Variants in ROBO2 observed in about 807,000 individuals in gnomAD.
ROBO2 encodes roundabout guidance receptor 2, also known as roundabout homolog 2.
Under a neutral mutation model 160.8 loss-of-function variants are expected in ROBO2, and 53 were observed. The ratio of observed to expected loss-of-function variants is 0.33; its 90% CI spans 0.26 to 0.41. The LOEUF (loss-of-function observed/expected upper bound fraction) is 0.41. Ranked by LOEUF, ROBO2 falls within the 10% of genes least tolerant of loss-of-function variation. The probability of loss-of-function intolerance (pLI) is 1.00; values close to 1 mark genes in which losing one functional copy is unlikely to be tolerated. For missense variants in ROBO2, 1,577 were observed against 1,722.4 expected (o/e 0.92, Z 1.49); for synonymous variants, 664 against 611.7 (o/e 1.09, Z -1.26).
intron 2 of ROBO2, among the ~76,000 whole-genome samples, chr3:76,497,607 T>A (rs2080224232): frequency 6.6e-6 from 1 of 152,214 alleles, no homozygotes; most frequent in Non-Finnish European, 1.5e-5. Flanking sequence ...AGTGCTCAGT[T>A]ATTTGGGCAA....
intron 2 of ROBO2, among the ~76,000 whole-genome samples, chr3:76,056,217 C>T (rs2067841064): frequency 6.6e-6 from 1 of 152,120 alleles, no homozygotes; most frequent in Non-Finnish European, 1.5e-5. Context: ...ACTATATACA[C>T]ATATGACACC....
chr3:76,784,310 T>C (rs2062839183), intron 2 of ROBO2, among the ~76,000 whole-genome samples: 2 of 151,176 alleles, frequency 1.3e-5, no homozygotes, highest in South Asian at 4.1e-4. Flanking sequence ...GGAGGGCTTG[T>C]AGATCTTTCC....
intron 1 of ROBO2, among the ~76,000 whole-genome samples, chr3:77,073,923 A>G (rs528301366): frequency 6.6e-5 from 10 of 152,290 alleles, no homozygotes; most frequent in African/African-American, 1.4e-4. Context: ...ATACACAAAG[A>G]AAGGGATAAA....
At chr3:76,038,772 G>A (rs1212162898) in intron 2 of ROBO2, among the ~76,000 whole-genome samples, 3 of 62,666 alleles carry the variant, frequency 4.8e-5, no homozygotes, top group South Asian at 6.0e-4. Context: ...AACTGCGTGT[G>A]TGTGTGTGTG....
At chr3:77,086,269 A>G (rs1412333687) in intron 1 of ROBO2, among the ~76,000 whole-genome samples, 1 of 152,090 alleles carries the variant, frequency 6.6e-6, no homozygotes, top group Non-Finnish European at 1.5e-5. Flanking sequence ...AGTAGGGAAC[A>G]TTTATTGAGT....
At chr3:76,603,256 C>A (rs528840704) in intron 2 of ROBO2, among the ~76,000 whole-genome samples, 1 of 146,662 alleles carries the variant, frequency 6.8e-6, no homozygotes, top group East Asian at 2.1e-4. Flanking sequence ...GGCGTGAACC[C>A]GGGAGGCAGA....
intron 2 of ROBO2, among the ~76,000 whole-genome samples, chr3:76,242,588 A>G (rs1191037875): frequency 2.0e-5 from 3 of 152,162 alleles, no homozygotes; most frequent in African/African-American, 4.8e-5. Flanking sequence ...CTCCGAAGCA[A>G]GAAATCCCAC....
At chr3:75,959,582 A>G (rs2107263186) in intron 2 of ROBO2, among the ~76,000 whole-genome samples, 1 of 151,836 alleles carries the variant, frequency 6.6e-6, no homozygotes, top group African/African-American at 2.4e-5. Flanking sequence ...TCAGTATTAC[A>G]CTTGCTTATG....
chr3:76,660,976 G>T (rs1018703662), intron 2 of ROBO2, among the ~76,000 whole-genome samples: 7 of 152,016 alleles, frequency 4.6e-5, no homozygotes, highest in African/African-American at 7.2e-5. Flanking sequence ...TATGAAGAGG[G>T]TAATGGAGAA....
At chr3:75,934,458 A>G (rs1015567932) in intron 1 of ROBO2, among the ~76,000 whole-genome samples, 20 of 152,324 alleles carry the variant, frequency 1.3e-4, no homozygotes, top group Middle Eastern at 6.8e-3. Context: ...TTCATCTACC[A>G]TGCTTCTTAC....
chr3:77,535,889 A>T (rs983348803), intron 6 of ROBO2, among the ~76,000 whole-genome samples: 2 of 152,224 alleles, frequency 1.3e-5, no homozygotes, highest in Non-Finnish European at 2.9e-5. Flanking sequence ...ATAGTTACCT[A>T]TAATTAAGGA....
At chr3:75,957,236 A>G (rs547809419) in intron 2 of ROBO2, among the ~76,000 whole-genome samples, 84 of 77,864 alleles carry the variant, frequency 1.1e-3, no homozygotes, top group African/African-American at 2.6e-3. Flanking sequence ...ACACACACGC[A>G]CACACACACA....
intron 2 of ROBO2, among the ~76,000 whole-genome samples, chr3:76,419,354 G>T (rs1318707975): frequency 6.6e-6 from 1 of 152,080 alleles, no homozygotes; most frequent in Admixed American, 6.6e-5. Flanking sequence ...CAGCATAGGC[G>T]TAAGCTGTGT....
intron 2 of ROBO2, among the ~76,000 whole-genome samples, chr3:76,362,626 G>C (rs1457468148): frequency 6.6e-6 from 1 of 152,020 alleles, no homozygotes; most frequent in East Asian, 1.9e-4. Context: ...ATGTTGCTTT[G>C]AGCATATTCT....
chr3:77,416,176 G>A (rs2077202251), intron 2 of ROBO2, among the ~76,000 whole-genome samples: 1 of 152,180 alleles, frequency 6.6e-6, no homozygotes, highest in Non-Finnish European at 1.5e-5. Flanking sequence ...GTGAGGGGGA[G>A]GGCCCGAAAG....
At chr3:76,052,084 A>C (rs1361982298) in intron 2 of ROBO2, among the ~76,000 whole-genome samples, 6 of 152,152 alleles carry the variant, frequency 3.9e-5, no homozygotes, top group African/African-American at 1.4e-4. Context: ...TCATAAATTT[A>C]AAAGTTCTCA....
intron 2 of ROBO2, among the ~76,000 whole-genome samples, chr3:77,337,882 C>T (rs963921521): frequency 6.6e-6 from 1 of 152,096 alleles, no homozygotes; most frequent in Admixed American, 6.6e-5. Context: ...CATGTTTCTG[C>T]TTCCTTGGCA....
chr3:77,109,144 G>A (rs937399373), intron 2 of ROBO2, among the ~76,000 whole-genome samples: 1 of 152,190 alleles, frequency 6.6e-6, no homozygotes, highest in Non-Finnish European at 1.5e-5. Flanking sequence ...TAGTTCAAGT[G>A]AAGATTTAAA....
chr3:76,213,967 C>A (rs1703323954), intron 2 of ROBO2, among the ~76,000 whole-genome samples: 1 of 152,074 alleles, frequency 6.6e-6, no homozygotes, highest in Admixed American at 6.6e-5. Flanking sequence ...GGAGATGGAT[C>A]TTCTCTACTC....
Sources: gnomAD v4.1 joint callset for allele counts (sites outside exome capture counted in the v4.1 genomes callset) on GRCh38, gnomAD v4.1.1 for gene constraint, MANE v1.5 for transcripts, NCBI Gene and HGNC (gene_info 2026-07-23, HGNC 2026-07-21) for gene names.